HERPUD2: variants seen among roughly 807,000 people sequenced by gnomAD.
HERPUD2 encodes homocysteine-responsive endoplasmic reticulum-resident ubiquitin-like domain member 2 protein.
A neutral mutation model predicts 49.9 loss-of-function variants in HERPUD2; 13 were observed. The observed-to-expected ratio is 0.26, with a 90% CI of 0.17 to 0.41. The LOEUF is 0.41. Among genes scored for constraint, HERPUD2 ranks in the 10% least tolerant of loss-of-function variants. The pLI is 1.00. For synonymous variants in HERPUD2, 172 were observed against 171.4 expected, an observed-to-expected ratio of 1.00 and a Z score of -0.03; for missense variants, 449 against 492.2, an observed-to-expected ratio of 0.91 and a Z score of 0.83.
chr7:35,657,216 T>C (rs1386250649), intron 5 of HERPUD2, among the ~76,000 whole-genome samples: 2 of 152,094 alleles, frequency 1.3e-5, no homozygotes, highest in Non-Finnish European at 2.9e-5. Flanking sequence ...TGAATAGCTA[T>C]TTCTCAAGGA....
Position 35,655,373 on chromosome 7 carries a change from C to G in HERPUD2, c.494+12061G>C, listed in dbSNP as rs117654463. Among the ~76,000 whole-genome samples the G allele has an allele frequency of 7.0e-3, 1,069 of 152,242 alleles. 26 individuals are homozygous for G. Among genetic ancestry groups the G allele is most frequent in the East Asian group, 0.062 (323 of 5,180 alleles). On this transcript the variant is annotated intron_variant, in intron 5 of 8. Transcript: ENST00000311350. ...ACAGCACATCAAAAAGAGAATACAT[C>G]ATCATCAAATGGGATTTATCCCAGG... is the stretch of plus-strand genomic sequence containing the variant.
Position 35,670,301 on chromosome 7 carries a change from C to T in HERPUD2, c.253G>A (p.Val85Ile), listed in dbSNP as rs200034926. 4.6e-5 allele frequency: 71 copies of T among 1,551,246 alleles called. No homozygotes were observed. In the Middle Eastern group the frequency reaches 3.0e-3, roughly 66 times the overall value. The stretch of plus-strand genomic sequence containing the variant: ...CTGGGAGGAGTCCGAGAAGTACATA[C>T]TAGATGAACCATATGATACTCATCT... Reference protein sequence around the residue: ...KQDEYHMVHLVCTSRTPPSSP... With the variant: ...KQDEYHMVHLICTSRTPPSSP... Residue 85 changes from valine to isoleucine, a missense_variant, in exon 4 of 9, where the codon GTA becomes ATA. Coordinates refer to ENST00000311350, the MANE Select transcript of HERPUD2 (RefSeq NM_022373.5).
rs564148760 is a variant in HERPUD2, at chr7:35,647,471, A to G, written c.495-8999T>C. On this transcript the variant is annotated intron_variant, in intron 5 of 8. Transcript: ENST00000311350. ...CTCCTGAGTGCCTAGTACACAGCAG[A>G]TTCTAAAGTAAACATTTACTGAATG... Among the ~76,000 whole-genome samples, 75 of 152,336 alleles carry G rather than the reference A, an allele frequency of 4.9e-4. 1 individual carries two copies. The South Asian group carries it at 0.015, about 30-fold the overall frequency.
chr7:35,694,539 G>C lies in HERPUD2; in HGVS notation c.-209C>G. The stretch of plus-strand genomic sequence containing the variant: ...GGTGGCGACTGCGACGGTGGGGTCT[G>C]GGTGCCCGGCCGTGGAGGCAGCTCT... On this transcript the variant is annotated 5_prime_UTR_variant, in exon 2 of 9. Coordinates refer to ENST00000311350, the MANE Select transcript of HERPUD2 (RefSeq NM_022373.5). The C allele has an allele frequency of 3.4e-6, 2 of 585,738 alleles. No individual in the cohort carries two copies. Among genetic ancestry groups the C allele is most frequent in the Non-Finnish European group, 3.0e-6 (1 of 331,208 alleles). The allele number at this position is 585,738 out of a possible 1,614,324, so 36.3% of individuals were successfully genotyped here.
chr7:35,650,760 C>T (rs952392627), intron 5 of HERPUD2, among the ~76,000 whole-genome samples: 5 of 152,166 alleles, frequency 3.3e-5, no homozygotes, highest in Non-Finnish European at 5.9e-5. Flanking sequence ...CACCAATTTA[C>T]GACTGTTGTC....
At chr7:35,643,561 T>C (rs1276439068) in intron 5 of HERPUD2, among the ~76,000 whole-genome samples, 2 of 152,034 alleles carry the variant, frequency 1.3e-5, no homozygotes, top group African/African-American at 4.8e-5. Flanking sequence ...CATAATAACA[T>C]TTGTATAAGA....
At chr7:35,658,733 C>A (rs73340317) in intron 5 of HERPUD2, among the ~76,000 whole-genome samples, 121 of 152,264 alleles carry the variant, frequency 7.9e-4, no homozygotes, top group African/African-American at 2.7e-3. Flanking sequence ...TATAAACCAG[C>A]CAGTAATTGT....
intron 5 of HERPUD2, among the ~76,000 whole-genome samples, chr7:35,641,650 C>T (rs1198771078): frequency 3.9e-5 from 6 of 152,122 alleles, no homozygotes; most frequent in South Asian, 2.1e-4. Flanking sequence ...CAAAATAGCC[C>T]GGAAATAAGG....
chr7:35,662,333 CTCT>C (rs1436626195), intron 5 of HERPUD2, among the ~76,000 whole-genome samples: 1 of 152,100 alleles, frequency 6.6e-6, no homozygotes, highest in African/African-American at 2.4e-5. Flanking sequence ...GTCTAAAATT[CTCT>C]TTTTTTGTTG....
intron 5 of HERPUD2, among the ~76,000 whole-genome samples, chr7:35,665,276 C>G (rs991478739): frequency 2.0e-5 from 3 of 152,252 alleles, no homozygotes; most frequent in African/African-American, 7.2e-5. Context: ...CCAGTTCGAG[C>G]TTCCTGGCCA....
chr7:35,670,744 T>C (rs1289033209), intron 3 of HERPUD2, among the ~76,000 whole-genome samples: 1 of 152,116 alleles, frequency 6.6e-6, no homozygotes, highest in Admixed American at 6.5e-5. Context: ...CATAATCACA[T>C]TTGCCTTAAT....
At chr7:35,692,972 C>T (rs1300824279) in intron 2 of HERPUD2, among the ~76,000 whole-genome samples, 1 of 152,180 alleles carries the variant, frequency 6.6e-6, no homozygotes, top group Non-Finnish European at 1.5e-5. Context: ...AAATCCGACC[C>T]TCTTTATTAA....
intron 5 of HERPUD2, among the ~76,000 whole-genome samples, chr7:35,650,335 C>A (rs1366286672): frequency 6.6e-6 from 1 of 152,080 alleles, no homozygotes; most frequent in Non-Finnish European, 1.5e-5. Context: ...AGTGGGGACC[C>A]CCAGCAGTCT....
Position 35,673,293 on chromosome 7 carries a change from A to G in HERPUD2, c.148-15T>C. ...TCCTTCGTCAACTAAGAAATGGGAC[A>G]AAGAAAAGAATTCAACTTTTCTAAT... On this transcript the variant is annotated splice_polypyrimidine_tract_variant and intron_variant, in intron 2 of 8. Coordinates refer to ENST00000311350, the MANE Select transcript of HERPUD2 (RefSeq NM_022373.5). The G allele has an allele frequency of 1.9e-6, 3 of 1,590,652 alleles. No individual in the cohort carries two copies. Among genetic ancestry groups the G allele is most frequent in the Non-Finnish European group, 2.6e-6 (3 of 1,164,186 alleles).
intron 2 of HERPUD2, among the ~76,000 whole-genome samples, chr7:35,684,056 G>T (rs1231245054): frequency 6.6e-6 from 1 of 152,088 alleles, no homozygotes; most frequent in Admixed American, 6.6e-5. Flanking sequence ...TCCCACTATT[G>T]GGTATCTACC....
intron 5 of HERPUD2, among the ~76,000 whole-genome samples, chr7:35,662,785 T>C (rs1199356139): frequency 6.6e-6 from 1 of 152,170 alleles, no homozygotes; most frequent in African/African-American, 2.4e-5. Context: ...GTCTTGCTAG[T>C]GGTCTATCAA....
intron 2 of HERPUD2, among the ~76,000 whole-genome samples, chr7:35,674,522 C>A (rs546168811): frequency 2.3e-4 from 34 of 148,880 alleles, no homozygotes; most frequent in African/African-American, 7.2e-4. Flanking sequence ...CTGTTTCCTG[C>A]CGAACAGCTC....
intron 5 of HERPUD2, among the ~76,000 whole-genome samples, chr7:35,639,403 T>G (rs1404044225): frequency 1.3e-5 from 2 of 152,160 alleles, no homozygotes; most frequent in Admixed American, 1.3e-4. Flanking sequence ...TTTCCTCACT[T>G]CTAAAATGGA....
At chr7:35,662,343 G>C (rs1785443309) in intron 5 of HERPUD2, among the ~76,000 whole-genome samples, 1 of 151,956 alleles carries the variant, frequency 6.6e-6, no homozygotes. Context: ...CTCTTTTTTT[G>C]TTGTGTCTCT....
Sources: gnomAD v4.1 joint callset for allele counts (sites outside exome capture counted in the v4.1 genomes callset) on GRCh38, gnomAD v4.1.1 for gene constraint, MANE v1.5 for transcripts, NCBI Gene and HGNC (gene_info 2026-07-23, HGNC 2026-07-21) for gene names.